SMG9: variants seen among roughly 807,000 people sequenced by gnomAD.
SMG9 encodes the protein SMG9 nonsense mediated mRNA decay factor, also known as nonsense-mediated mRNA decay factor SMG9.
A neutral mutation model predicts 64.0 loss-of-function variants in SMG9; 55 were observed. The ratio of observed to expected loss-of-function variants is 0.86; its 90% CI spans 0.69 to 1.08. SMG9 has a LOEUF of 1.08. Ranked by LOEUF, SMG9 falls within the 50% of genes least tolerant of loss-of-function variation. The pLI is 0.00. For missense variants in SMG9, 554 were observed against 681.3 expected, an observed-to-expected ratio of 0.81 and a Z score of 2.08; for synonymous variants, 244 against 254.8, an observed-to-expected ratio of 0.96 and a Z score of 0.41.
At chr19:43,734,216 GA>G (rs1272000955) in intron 10 of SMG9, 172 bp downstream of exon 10, 44 of 605,886 alleles carry the variant, frequency 7.3e-5, no homozygotes, top group Non-Finnish European at 1.3e-4. Context: ...AGGGCAGTGG[GA>G]ACTTGGAAGG....
intron 10 of SMG9, 122 bp from the exon 11 acceptor site, chr19:43,733,855 AACTTC>A: frequency 1.5e-6 from 1 of 688,732 alleles, no homozygotes; most frequent in Non-Finnish European, 2.5e-6. Flanking sequence ...ATATTTATAT[AACTTC>A]ACTTCACTTT....
rs2146359372 is a variant in SMG9, at chr19:43,733,449, G to A, written c.1214C>T (p.Thr405Ile). 1 of 1,613,960 alleles carries A rather than the reference G, an allele frequency of 6.2e-7. No homozygotes were observed. The highest frequency in any genetic ancestry group is 1.1e-5 in the South Asian group (1 of 91,084). The stretch of plus-strand genomic sequence containing the variant: ...GACATTGCATTGTAACATGGACAGA[G>A]TTCCTGGAGGAGAAAACGCTTCAGC... ...MAHSHLRYKG[T>I]LSMLQCNVFP... is the part of the protein sequence containing the mutation. The change falls in exon 12 of 14, where the codon ACT becomes ATT. Residue 405 changes from threonine (T) to isoleucine (I), a missense_variant. Coordinates refer to ENST00000270066, the MANE Select transcript of SMG9 (RefSeq NM_019108.4).
At chr19:43,742,955 G>T (rs1000959530) in intron 6 of SMG9, among the ~76,000 whole-genome samples, 4 of 151,932 alleles carry the variant, frequency 2.6e-5, no homozygotes, top group Non-Finnish European at 5.9e-5. Context: ...GGGCATGGTA[G>T]TCCCAGCTAC....
chr19:43,746,446 G>A (rs1006757631), intron 5 of SMG9, among the ~76,000 whole-genome samples: 7 of 152,126 alleles, frequency 4.6e-5, no homozygotes, highest in African/African-American at 7.2e-5. Context: ...CCTTAATAGC[G>A]CTGAAGGGTA....
chr19:43,747,695 G>GT lies in SMG9; in HGVS notation c.427dup (p.Thr143AsnfsTer44). The GT allele has an allele frequency of 6.2e-7, 1 of 1,610,936 alleles. No individual in the cohort carries two copies. The highest frequency in any genetic ancestry group is 8.5e-7 in the Non-Finnish European group (1 of 1,178,570). On this transcript the variant is annotated frameshift_variant, in exon 4 of 14. Transcript: ENST00000270066. LOFTEE classifies it high-confidence loss of function. ...GTTCTGGATCTGGTACACAGGCTGT[G>GT]TGGGTCTCTGCCCCTCCTTCTCCCC...
chr19:43,731,696 G>A lies in SMG9; in HGVS notation c.1485-22C>T, dbSNP rs771341094. ...GAACCTGTGAGGAGGCCAACAGTCA[G>A]GGCTGCCTGGCCGGGGCTCCCCCCA... is the stretch of plus-strand genomic sequence containing the variant. On this transcript the variant is annotated intron_variant, in intron 13 of 13. Transcript: ENST00000270066. 2.1e-5 allele frequency: 34 copies of A among 1,614,028 alleles called. No homozygotes were observed. The South Asian group carries it at 3.5e-4, about 17-fold the overall frequency.
chr19:43,737,147 C>T (rs572127684), intron 9 of SMG9, among the ~76,000 whole-genome samples: 1 of 152,258 alleles, frequency 6.6e-6, no homozygotes, highest in African/African-American at 2.4e-5. Context: ...GTGGTGGGTG[C>T]CTGTAATCCC....
intron 4 of SMG9, 46 bp from the exon 5 acceptor site, chr19:43,747,585 G>C (rs1383468652): frequency 3.1e-6 from 5 of 1,614,134 alleles, no homozygotes; most frequent in Non-Finnish European, 4.2e-6. Flanking sequence ...GTGAGGATCT[G>C]TGAGGAGACG....
Position 43,747,736 on chromosome 19 carries a change from G to A in SMG9, c.387C>T (p.Ala129=), listed in dbSNP as rs1372409588. Residue 129 remains alanine, a synonymous_variant, in exon 4 of 14, where the codon GCC becomes GCT. Transcript: ENST00000270066. ...CCTTCTCCCCCTTGGGTGGCGCAGGGGCTGCAGGGGGTGGTGGGGCGGTGC... is the reference window on the plus strand; with the variant it reads ...CCTTCTCCCCCTTGGGTGGCGCAGGAGCTGCAGGGGGTGGTGGGGCGGTGC... ...PEGTAPPPPA[A]PAPPKGEKEG... is the part of the protein sequence containing the mutation. 4 of 1,611,250 alleles carry A rather than the reference G, an allele frequency of 2.5e-6. No homozygotes were observed. The highest frequency in any genetic ancestry group is 1.7e-5 in the Admixed American group (1 of 59,798).
intron 5 of SMG9, among the ~76,000 whole-genome samples, chr19:43,745,365 G>GTT (rs112917489): frequency 7.3e-5 from 11 of 150,790 alleles, no homozygotes; most frequent in African/African-American, 2.7e-4. Flanking sequence ...GTGTTTTTTT[G>GTT]TTTTTTTTTA....
chr19:43,729,228 A>G lies in SMG9; in HGVS notation c.*2368T>C, dbSNP rs1968394871. On this transcript the variant is annotated 3_prime_UTR_variant, in exon 14 of 14. Transcript: ENST00000270066. ...GATCACCACGGTGGTGGTGGTGGAAACGCTAGGCCGGATTTCCAGAGTGCC... is the reference window on the plus strand; with the variant it reads ...GATCACCACGGTGGTGGTGGTGGAAGCGCTAGGCCGGATTTCCAGAGTGCC... The G allele has an allele frequency of 6.2e-6, 1 of 160,016 alleles. No individual in the cohort carries two copies. Among genetic ancestry groups the G allele is most frequent in the Non-Finnish European group, 1.3e-5 (1 of 75,312 alleles). The allele number at this position is 160,016 out of a possible 1,614,324, so 9.9% of individuals were successfully genotyped here.
At position 43,729,763 on chromosome 19, in the gene SMG9, C is replaced by T. The variant is rs1413189792; in HGVS notation, c.*1833G>A. ...GCTGGAGAGGATGGTCAGGAGGGTT[C>T]TGTAGAGATCACGACAGTGGGGCAA... On this transcript the variant is annotated 3_prime_UTR_variant, in exon 14 of 14. Coordinates refer to ENST00000270066, the MANE Select transcript of SMG9 (RefSeq NM_019108.4). 3.3e-5 allele frequency: 5 copies of T among 152,374 alleles called. No individual in the cohort carries two copies. The allele number at this position is 152,374 out of a possible 1,614,324, so 9.4% of individuals were successfully genotyped here.
At position 43,753,438 on chromosome 19, in the gene SMG9, G is replaced by A. The variant is rs1364622340; in HGVS notation, c.-7+1216C>T. ...ATGCCCTTTCCTGTGCAAAGTAAGC[G>A]CCCCTGTGTGAATGCTTTTCTTTTT... On this transcript the variant is annotated intron_variant, in intron 1 of 13. Transcript: ENST00000270066. 2.0e-5 allele frequency among the ~76,000 whole-genome samples: 3 copies of A among 150,712 alleles called. No individual in the cohort carries two copies. In the East Asian group the frequency reaches 5.9e-4, roughly 29 times the overall value.
intron 1 of SMG9, among the ~76,000 whole-genome samples, chr19:43,753,268 C>A (rs575465471): frequency 6.6e-6 from 1 of 152,086 alleles, no homozygotes; most frequent in Admixed American, 6.6e-5. Flanking sequence ...TGGAGATTCT[C>A]CCCAGAATCT....
chr19:43,734,181 T>C, intron 10 of SMG9: 1 of 581,518 alleles, frequency 1.7e-6, no homozygotes, highest in Non-Finnish European at 3.1e-6. Flanking sequence ...TCAGGGGTCA[T>C]GCCCTCAACT....
chr19:43,744,994 G>C (rs1968957476), intron 5 of SMG9, 110 bp from the exon 6 acceptor site: 1 of 693,818 alleles, frequency 1.4e-6, no homozygotes, highest in Non-Finnish European at 2.5e-6. Context: ...TATCATATAT[G>C]AAGAGAAACT....
chr19:43,728,873 A>G lies in SMG9; in HGVS notation c.*2723T>C. 1 of 501,518 alleles carries G rather than the reference A, an allele frequency of 2.0e-6. No homozygotes were observed. The highest frequency in any genetic ancestry group is 2.6e-6 in the Non-Finnish European group (1 of 387,714). 31.1% of individuals were successfully genotyped at this position (501,518 alleles called of 1,614,324 possible). ...CCAATGTATTCCTGTGTCTGAATTG[A>G]AAAGCGTGAGTTCCACCTGCTGGGA... On this transcript the variant is annotated 3_prime_UTR_variant, in exon 14 of 14. Coordinates refer to ENST00000270066, the MANE Select transcript of SMG9 (RefSeq NM_019108.4).
intron 12 of SMG9, 153 bp from the exon 13 acceptor site, chr19:43,733,155 G>C (rs1186937955): frequency 3.8e-6 from 5 of 1,307,686 alleles, no homozygotes; most frequent in Non-Finnish European, 5.2e-6. Context: ...TCCTAATAAA[G>C]GGTCCACACA....
intron 5 of SMG9, among the ~76,000 whole-genome samples, chr19:43,746,456 A>T (rs1217799337): frequency 6.6e-6 from 1 of 152,098 alleles, no homozygotes; most frequent in African/African-American, 2.4e-5. Flanking sequence ...GCTGAAGGGT[A>T]GGGTTTGGTT....
Sources: gnomAD v4.1 joint callset for allele counts (sites outside exome capture counted in the v4.1 genomes callset) on GRCh38, gnomAD v4.1.1 for gene constraint, MANE v1.5 for transcripts, NCBI Gene and HGNC (gene_info 2026-07-23, HGNC 2026-07-21) for gene names.